The following OR6C4 variants were observed in gnomAD, a reference collection of about 807,000 sequenced individuals.
The protein encoded by OR6C4 is olfactory receptor family 6 subfamily C member 4.
OR6C4 carries 20 observed loss-of-function variants against 15.1 expected under a neutral mutation model. The observed-to-expected ratio is 1.32, with a 90% CI of 0.93 to 1.92. The LOEUF (loss-of-function observed/expected upper bound fraction) is 1.92. Among genes scored for constraint, OR6C4 ranks in the 30% most tolerant of loss-of-function variants. The probability of loss-of-function intolerance (pLI) is 0.00; values close to 1 mark genes in which losing one functional copy is unlikely to be tolerated. For synonymous variants in OR6C4, 179 were observed against 134.2 expected, an observed-to-expected ratio of 1.33 and a Z score of -2.31; for missense variants, 491 against 363.2, an observed-to-expected ratio of 1.35 and a Z score of -2.86.
In OR6C4 at chr12:55,552,451, A is replaced by T. The variant is rs113180257; in HGVS notation, c.*295A>T. The T allele has an allele frequency of 8.5e-6, 2 of 235,108 alleles. No homozygotes were observed. The highest frequency in any genetic ancestry group is 1.6e-5 in the Non-Finnish European group (2 of 124,386). 14.6% of individuals were successfully genotyped at this position (235,108 alleles called of 1,614,324 possible). ...TCCATAAATTATTTGAAATTTAAGA[A>T]GCAAAACAGATTGTTTATTTAGAAG... On this transcript the variant is annotated 3_prime_UTR_variant, in exon 2 of 2. Transcript: ENST00000641569.
chr12:55,552,222 A>G lies in OR6C4; in HGVS notation c.*66A>G, dbSNP rs936627536. 15 of 1,120,900 alleles carry G rather than the reference A, an allele frequency of 1.3e-5. No individual in the cohort carries two copies. The highest frequency in any genetic ancestry group is 1.9e-5 in the Non-Finnish European group (15 of 789,658). The allele number at this position is 1,120,900 out of a possible 1,614,324, so 69.4% of individuals were successfully genotyped here. On this transcript the variant is annotated 3_prime_UTR_variant, in exon 2 of 2. Coordinates refer to ENST00000641569, the MANE Select transcript of OR6C4 (RefSeq NM_001005494.2). ...ATATGCATTGAATGTCTATATTTCA[A>G]GTGCTAAATTGGCCCTTGAAGATTA...
At position 55,551,281 on chromosome 12, in the gene OR6C4, C is replaced by A. The variant is rs371583586; in HGVS notation, c.55C>A (p.Pro19Thr). The change falls in exon 2 of 2, where the codon CCT (proline) becomes ACT (threonine). Residue 19 changes from proline (P) to threonine (T), a missense_variant. Physicochemically the swap from Pro to Thr is conservative, Grantham distance 38. Coordinates refer to ENST00000641569, the MANE Select transcript of OR6C4 (RefSeq NM_001005494.2). ...TATTCTACTGGGCCTTACAAATCAACCTGAACTCCAAGTGATGATATTCAT... is the reference window on the plus strand; with the variant it reads ...TATTCTACTGGGCCTTACAAATCAAACTGAACTCCAAGTGATGATATTCAT... Reference protein sequence around the residue: ...EFILLGLTNQPELQVMIFIFL... With the variant: ...EFILLGLTNQTELQVMIFIFL... The A allele has an allele frequency of 1.4e-5, 22 of 1,613,476 alleles. No homozygotes were observed. Among genetic ancestry groups the A allele is most frequent in the Non-Finnish European group, 1.5e-5 (18 of 1,179,696 alleles).
At position 55,552,284 on chromosome 12, in the gene OR6C4, T is replaced by G; in HGVS notation, c.*128T>G. ...GTATATGTCTTAATTTCAAGAAAAC[T>G]ATAGTCTAGAATCAAGGAAAGATAT... On this transcript the variant is annotated 3_prime_UTR_variant, in exon 2 of 2. Transcript: ENST00000641569. The G allele has an allele frequency of 1.6e-6, 1 of 606,096 alleles. No homozygotes were observed. The highest frequency in any genetic ancestry group is 2.3e-5 in the South Asian group (1 of 44,040). The allele number at this position is 606,096 out of a possible 1,614,324, so 37.5% of individuals were successfully genotyped here.
rs1020131585 is a variant in OR6C4 at position 55,554,672 on chromosome 12, C to T, written c.*2516C>T. The T allele has an allele frequency of 6.6e-6, 1 of 152,076 alleles. No homozygotes were observed. Among genetic ancestry groups the T allele is most frequent in the Non-Finnish European group, 1.5e-5 (1 of 68,018 alleles). 9.4% of individuals were successfully genotyped at this position (152,076 alleles called of 1,614,324 possible). A position where few individuals can be genotyped will look rare whatever the true frequency, so the allele number is the denominator to read the frequency against. On this transcript the variant is annotated 3_prime_UTR_variant, in exon 2 of 2. Transcript: ENST00000641569. ...TTCTCAGAATCATATTATACCAGTG[C>T]TAGGGTGAGGAGACTATGAAAATGA...
Position 55,554,618 on chromosome 12 carries a change from T to C in OR6C4, c.*2462T>C, listed in dbSNP as rs779412052. ...CTCATGTCACCAAAGTGGACAAGAA[T>C]TAAAAGAAACAGCTTTAGCTGCCTA... On this transcript the variant is annotated 3_prime_UTR_variant, in exon 2 of 2. Coordinates refer to ENST00000641569, the MANE Select transcript of OR6C4 (RefSeq NM_001005494.2). The C allele has an allele frequency of 4.6e-5, 7 of 152,106 alleles. No homozygotes were observed. Among genetic ancestry groups the C allele is most frequent in the Non-Finnish European group, 8.8e-5 (6 of 68,004 alleles). 9.4% of individuals were successfully genotyped at this position (152,106 alleles called of 1,614,324 possible).
At position 55,555,658 on chromosome 12, in the gene OR6C4, G is replaced by T. The variant is rs1874000770; in HGVS notation, c.*3502G>T. 1 of 152,074 alleles carries T rather than the reference G, an allele frequency of 6.6e-6. No individual in the cohort carries two copies. The highest frequency in any genetic ancestry group is 2.1e-4 in the South Asian group (1 of 4,810). The allele number at this position is 152,074 out of a possible 1,614,324, so 9.4% of individuals were successfully genotyped here. ...CCTGGTGTGGTGGCACGTGCCTGTA[G>T]TTCCAGCTACTTGGGAGGCTAAGGT... On this transcript the variant is annotated 3_prime_UTR_variant, in exon 2 of 2. Transcript: ENST00000641569.
chr12:55,552,316 G>A lies in OR6C4; in HGVS notation c.*160G>A. 23 of 489,016 alleles carry A rather than the reference G, an allele frequency of 4.7e-5. No homozygotes were observed. Among genetic ancestry groups the A allele is most frequent in the South Asian group, 1.2e-4 (3 of 25,910 alleles). 30.3% of individuals were successfully genotyped at this position (489,016 alleles called of 1,614,324 possible). On this transcript the variant is annotated 3_prime_UTR_variant, in exon 2 of 2. Transcript: ENST00000641569. Reference sequence around the variant, plus strand: ...TAGAATCAAGGAAAGATATATAAATGGTAAATTTATGTAATAAATTTACAA... The same window carrying A: ...TAGAATCAAGGAAAGATATATAAATAGTAAATTTATGTAATAAATTTACAA...
rs1305848818 is a variant in OR6C4, at chr12:55,553,005, T to A, written c.*849T>A. The A allele has an allele frequency of 6.6e-6, 1 of 152,118 alleles. No individual in the cohort carries two copies. The highest frequency in any genetic ancestry group is 1.5e-5 in the Non-Finnish European group (1 of 67,996). The allele number at this position is 152,118 out of a possible 1,614,324, so 9.4% of individuals were successfully genotyped here. Reference sequence around the variant, plus strand: ...TCATGATTTTATTTTCATCCTTTTGTTTCACTTTATTAGATATTAGAAAAG... The same window carrying A: ...TCATGATTTTATTTTCATCCTTTTGATTCACTTTATTAGATATTAGAAAAG... On this transcript the variant is annotated 3_prime_UTR_variant, in exon 2 of 2. Coordinates refer to ENST00000641569, the MANE Select transcript of OR6C4 (RefSeq NM_001005494.2).
chr12:55,551,897 TG>T lies in OR6C4; in HGVS notation c.672del (p.Arg225GlyfsTer19). The T allele has an allele frequency of 6.2e-7, 1 of 1,613,810 alleles. No individual in the cohort carries two copies. Among genetic ancestry groups the T allele is most frequent in the East Asian group, 2.2e-5 (1 of 44,866 alleles). The stretch of plus-strand genomic sequence containing the variant: ...TACACATACATTATCAGGACTATTC[TG>T]AGGATCCCTTCTGCCCAGCAAAGGA... ...LSYTYIIRTI[L>X]RIPSAQQRTK... On this transcript the variant is annotated frameshift_variant, in exon 2 of 2. Coordinates refer to ENST00000641569, the MANE Select transcript of OR6C4 (RefSeq NM_001005494.2). LOFTEE classifies it high-confidence loss of function.
rs1324817673 is a variant in OR6C4, at chr12:55,554,261, G to A, written c.*2105G>A. On this transcript the variant is annotated 3_prime_UTR_variant, in exon 2 of 2. Transcript: ENST00000641569. ...CATTGCCCTAGATATCTATGGGAGA[G>A]ACAGGATGTATTAACATGCTGAGAC... 1 of 152,146 alleles carries A rather than the reference G, an allele frequency of 6.6e-6. No individual in the cohort carries two copies. The highest frequency in any genetic ancestry group is 1.5e-5 in the Non-Finnish European group (1 of 68,014). The allele number at this position is 152,146 out of a possible 1,614,324, so 9.4% of individuals were successfully genotyped here.
chr12:55,551,924 C>T lies in OR6C4; in HGVS notation c.698C>T (p.Thr233Ile). The T allele has an allele frequency of 6.2e-7, 1 of 1,613,790 alleles. No homozygotes were observed. Among genetic ancestry groups the T allele is most frequent in the Non-Finnish European group, 8.5e-7 (1 of 1,179,866 alleles). ...AGGATCCCTTCTGCCCAGCAAAGGA[C>T]AAAGGCCTTTTCCACTTGTTCCTCC... The part of the protein sequence containing the change: ...ILRIPSAQQR[T>I]KAFSTCSSHM... The change falls in exon 2 of 2, where the codon ACA becomes ATA. Residue 233 changes from threonine to isoleucine, a missense_variant. Thr to Ile is a moderately conservative substitution (Grantham distance 89). Coordinates refer to ENST00000641569, the MANE Select transcript of OR6C4 (RefSeq NM_001005494.2).
rs1873938036 is a variant in OR6C4 at position 55,553,664 on chromosome 12, T to G, written c.*1508T>G. On this transcript the variant is annotated 3_prime_UTR_variant, in exon 2 of 2. Coordinates refer to ENST00000641569, the MANE Select transcript of OR6C4 (RefSeq NM_001005494.2). ...GCACTACAAGAACAAGAAGTGTTCT[T>G]GAATAGCCACATCTAAATCATTAAG... 1 of 152,164 alleles carries G rather than the reference T, an allele frequency of 6.6e-6. No homozygotes were observed. The highest frequency in any genetic ancestry group is 2.1e-4 in the South Asian group (1 of 4,828). 9.4% of individuals were successfully genotyped at this position (152,164 alleles called of 1,614,324 possible). A position where few individuals can be genotyped will look rare whatever the true frequency, so the allele number is the denominator to read the frequency against.
rs74423356 is a variant in OR6C4 at position 55,552,694 on chromosome 12, T to A, written c.*538T>A. The A allele has an allele frequency of 6.6e-6, 1 of 152,260 alleles. No homozygotes were observed. The highest frequency in any genetic ancestry group is 1.5e-5 in the Non-Finnish European group (1 of 68,000). 9.4% of individuals were successfully genotyped at this position (152,260 alleles called of 1,614,324 possible). On this transcript the variant is annotated 3_prime_UTR_variant, in exon 2 of 2. Transcript: ENST00000641569. ...TTCTCCTCCATTTTTTCATCTATAT[T>A]TCAAATGTAACCATTGCAACTTCCC...
At position 55,550,106 on chromosome 12, in the gene OR6C4, C is replaced by T. The variant is rs945085382; in HGVS notation, c.-31C>T. 5 of 152,076 alleles carry T rather than the reference C, an allele frequency of 3.3e-5. No homozygotes were observed. The highest frequency in any genetic ancestry group is 7.4e-5 in the Non-Finnish European group (5 of 68,006). 9.4% of individuals were successfully genotyped at this position (152,076 alleles called of 1,614,324 possible). Reference sequence around the variant, plus strand: ...AATCTGGAAGAAAATGCAGTACTTGCCAAAGACCACAGGTTAGTATAAACA... The same window carrying T: ...AATCTGGAAGAAAATGCAGTACTTGTCAAAGACCACAGGTTAGTATAAACA... On this transcript the variant is annotated 5_prime_UTR_variant, in exon 1 of 2. Coordinates refer to ENST00000641569, the MANE Select transcript of OR6C4 (RefSeq NM_001005494.2).
At position 55,552,406 on chromosome 12, in the gene OR6C4, G is replaced by A; in HGVS notation, c.*250G>A. The stretch of plus-strand genomic sequence containing the variant: ...AATGGGGATCTGAAAAGGAACAGTT[G>A]GAAAGAATTAGTTCTGTTTTCCATA... On this transcript the variant is annotated 3_prime_UTR_variant, in exon 2 of 2. Coordinates refer to ENST00000641569, the MANE Select transcript of OR6C4 (RefSeq NM_001005494.2). 1 of 330,464 alleles carries A rather than the reference G, an allele frequency of 3.0e-6. No homozygotes were observed. The highest frequency in any genetic ancestry group is 5.4e-6 in the Non-Finnish European group (1 of 185,410). The allele number at this position is 330,464 out of a possible 1,614,324, so 20.5% of individuals were successfully genotyped here.
In OR6C4 at chr12:55,551,912, C is replaced by T; in HGVS notation, c.686C>T (p.Ala229Val). The T allele has an allele frequency of 2.5e-6, 4 of 1,613,776 alleles. No individual in the cohort carries two copies. Among genetic ancestry groups the T allele is most frequent in the Non-Finnish European group, 2.5e-6 (3 of 1,179,868 alleles). The change falls in exon 2 of 2, where the codon GCC (alanine) becomes GTC (valine). Residue 229 changes from alanine (A) to valine (V), a missense_variant. Coordinates refer to ENST00000641569, the MANE Select transcript of OR6C4 (RefSeq NM_001005494.2). ...AGGACTATTCTGAGGATCCCTTCTG[C>T]CCAGCAAAGGACAAAGGCCTTTTCC... is the stretch of plus-strand genomic sequence containing the variant. ...IIRTILRIPS[A>V]QQRTKAFSTC...
In OR6C4 at chr12:55,552,105, G is replaced by A. The variant is rs1484622257; in HGVS notation, c.879G>A (p.Gln293=). 4.4e-6 allele frequency: 7 copies of A among 1,607,956 alleles called. No homozygotes were observed. The highest frequency in any genetic ancestry group is 1.3e-5 in the African/African-American group (1 of 74,522). ...CCTTCATATATACTTTAAGAAATCA[G>A]CAAGTGAAACAAGCTTTCAAGGACT... ...LNPFIYTLRN[Q]QVKQAFKDSV... is the part of the protein sequence containing the mutation. Residue 293 remains glutamine (Q), a synonymous_variant, in exon 2 of 2, where the codon CAG becomes CAA. Transcript: ENST00000641569.
rs1410610461 is a variant in OR6C4 at position 55,549,942 on chromosome 12, T to C, written c.-195T>C. On this transcript the variant is annotated 5_prime_UTR_variant, in exon 1 of 2. It removes the in-frame stop codon of an upstream open reading frame in the 5' UTR. Coordinates refer to ENST00000641569, the MANE Select transcript of OR6C4 (RefSeq NM_001005494.2). ...AGATTCACGTGGCACATCTCATCTT[T>C]GATTTACCTCTTAGGAACAACAAGG... The C allele has an allele frequency of 6.6e-6, 1 of 152,218 alleles. No homozygotes were observed. The highest frequency in any genetic ancestry group is 2.4e-5 in the African/African-American group (1 of 41,460). 9.4% of individuals were successfully genotyped at this position (152,218 alleles called of 1,614,324 possible).
Position 55,551,539 on chromosome 12 carries a change from C to T in OR6C4, c.313C>T (p.Leu105Phe). The T allele has an allele frequency of 5.0e-6, 8 of 1,613,868 alleles. No individual in the cohort carries two copies. Among genetic ancestry groups the T allele is most frequent in the Non-Finnish European group, 5.9e-6 (7 of 1,179,916 alleles). Residue 105 changes from leucine to phenylalanine, a missense_variant, in exon 2 of 2, where the codon CTT becomes TTT. Coordinates refer to ENST00000641569, the MANE Select transcript of OR6C4 (RefSeq NM_001005494.2). The stretch of plus-strand genomic sequence containing the variant: ...GACTCAGTATTTTTTTGCTATATTT[C>T]TTGGAGCTACCGAGTTTTACCTCCT... ...CLTQYFFAIF[L>F]GATEFYLLAS...
Sources: gnomAD v4.1 joint callset for allele counts on GRCh38, gnomAD v4.1.1 for gene constraint, MANE v1.5 for transcripts, NCBI Gene and HGNC (gene_info 2026-07-23, HGNC 2026-07-21) for gene names.